ZNF804B: variants seen among roughly 807,000 people sequenced by gnomAD.
ZNF804B encodes the protein zinc finger protein 804B.
ZNF804B carries 80 observed loss-of-function variants against 101.4 expected under a neutral mutation model. The ratio of observed to expected loss-of-function variants is 0.79; its 90% confidence interval spans 0.66 to 0.95. ZNF804B has a LOEUF of 0.95. Ranked by LOEUF, ZNF804B falls within the 40% of genes least tolerant of loss-of-function variation. The probability of loss-of-function intolerance (pLI) is 0.00; values close to 1 mark genes in which losing one functional copy is unlikely to be tolerated. For synonymous variants in ZNF804B, 622 were observed against 558.8 expected, an observed-to-expected ratio of 1.11 and a Z score of -1.59; for missense variants, 1,673 against 1,561.9, an observed-to-expected ratio of 1.07 and a Z score of -1.20.
intron 2 of ZNF804B, among the ~76,000 whole-genome samples, chr7:89,223,346 C>G (rs188417023): frequency 6.6e-6 from 1 of 151,972 alleles, no homozygotes; most frequent in East Asian, 1.9e-4. Flanking sequence ...CTCTTCTCTG[C>G]TTTTCCTTCA....
chr7:89,320,411 C>T (rs38961), intron 2 of ZNF804B, among the ~76,000 whole-genome samples: 16,909 of 151,900 alleles, frequency 0.11, 967 homozygotes, highest in Non-Finnish European at 0.12. Flanking sequence ...TATCTGCTGA[C>T]TAGATATAGG....
intron 1 of ZNF804B, among the ~76,000 whole-genome samples, chr7:89,117,921 T>A (rs1228508839): frequency 1.3e-5 from 2 of 152,162 alleles, no homozygotes; most frequent in Non-Finnish European, 2.9e-5. Flanking sequence ...TTTTTTCAAC[T>A]ACTGTTAAAA....
At chr7:89,140,142 T>C (rs1440135715) in intron 1 of ZNF804B, among the ~76,000 whole-genome samples, 1 of 152,064 alleles carries the variant, frequency 6.6e-6, no homozygotes, top group African/African-American at 2.4e-5. Flanking sequence ...AGCAGAAATA[T>C]TATGAAATAA....
At chr7:88,929,032 G>A (rs957121391) in intron 1 of ZNF804B, among the ~76,000 whole-genome samples, 4 of 151,856 alleles carry the variant, frequency 2.6e-5, no homozygotes, top group African/African-American at 9.7e-5. Flanking sequence ...TTTGTCTTTT[G>A]GTTCAAGTTC....
intron 1 of ZNF804B, among the ~76,000 whole-genome samples, chr7:89,106,056 T>C (rs1790131539): frequency 6.6e-6 from 1 of 152,186 alleles, no homozygotes; most frequent in South Asian, 2.1e-4. Flanking sequence ...TTCAGCTCTC[T>C]GGAAGATCCA....
At chr7:88,815,957 G>T (rs114758823) in intron 1 of ZNF804B, among the ~76,000 whole-genome samples, 8 of 152,032 alleles carry the variant, frequency 5.3e-5, no homozygotes, top group Non-Finnish European at 1.2e-4. Context: ...CACCCTTCTT[G>T]GTTTCTGTCA....
chr7:88,853,402 A>G (rs1037369072), intron 1 of ZNF804B, among the ~76,000 whole-genome samples: 1 of 152,126 alleles, frequency 6.6e-6, no homozygotes, highest in Non-Finnish European at 1.5e-5. Context: ...AAGGCTCCAT[A>G]AAATCTTAAC....
chr7:89,332,629 T>C (rs1157357348), intron 3 of ZNF804B, among the ~76,000 whole-genome samples: 2 of 151,872 alleles, frequency 1.3e-5, no homozygotes, highest in South Asian at 2.1e-4. Context: ...CAATCTTCTG[T>C]ATGAATTGCT....
At chr7:89,281,656 A>G (rs982831161) in intron 2 of ZNF804B, among the ~76,000 whole-genome samples, 15 of 152,320 alleles carry the variant, frequency 9.8e-5, no homozygotes, top group African/African-American at 3.1e-4. Context: ...TGCCATGGCA[A>G]GAATCAAAAT....
intron 1 of ZNF804B, among the ~76,000 whole-genome samples, chr7:89,015,650 T>A (rs1245419529): frequency 1.3e-5 from 2 of 152,168 alleles, no homozygotes; most frequent in Non-Finnish European, 2.9e-5. Context: ...TCCATGTCCC[T>A]ACAAAGGACA....
At chr7:89,080,247 G>A (rs1789676299) in intron 1 of ZNF804B, among the ~76,000 whole-genome samples, 1 of 151,120 alleles carries the variant, frequency 6.6e-6, no homozygotes, top group Non-Finnish European at 1.5e-5. Context: ...AGACTATTGT[G>A]TTTTTGAGAG....
intron 1 of ZNF804B, among the ~76,000 whole-genome samples, chr7:89,196,211 A>G (rs1788549923): frequency 6.6e-6 from 1 of 152,134 alleles, no homozygotes; most frequent in East Asian, 1.9e-4. Context: ...ACAGACCCAT[A>G]GGCCAATGAA....
intron 2 of ZNF804B, among the ~76,000 whole-genome samples, chr7:89,250,080 C>T (rs1789515927): frequency 6.6e-6 from 1 of 151,910 alleles, no homozygotes; most frequent in Non-Finnish European, 1.5e-5. Flanking sequence ...CCCAGCTACT[C>T]AGGAGGCTGA....
intron 1 of ZNF804B, among the ~76,000 whole-genome samples, chr7:89,012,650 A>G (rs1180411935): frequency 1.3e-5 from 2 of 152,110 alleles, no homozygotes; most frequent in African/African-American, 4.8e-5. Flanking sequence ...CCATATCACT[A>G]TCAGCGTTTT....
chr7:88,873,912 C>T (rs1284340349), intron 1 of ZNF804B, among the ~76,000 whole-genome samples: 2 of 152,092 alleles, frequency 1.3e-5, no homozygotes, highest in Non-Finnish European at 2.9e-5. Context: ...ATGATGCCTC[C>T]AGCTTTGTCC....
At chr7:89,049,344 G>T (rs1401743924) in intron 1 of ZNF804B, among the ~76,000 whole-genome samples, 1 of 152,122 alleles carries the variant, frequency 6.6e-6, no homozygotes, top group East Asian at 1.9e-4. Context: ...AAGTGTGAAT[G>T]ATCTTATGGT....
chr7:89,120,728 G>A (rs1790392439), intron 1 of ZNF804B, among the ~76,000 whole-genome samples: 1 of 151,278 alleles, frequency 6.6e-6, no homozygotes, highest in East Asian at 1.9e-4. Context: ...CCAATGAATT[G>A]GTTTTTAGTT....
intron 1 of ZNF804B, among the ~76,000 whole-genome samples, chr7:88,912,390 A>C (rs12671549): frequency 0.21 from 32,545 of 151,882 alleles, 3,804 homozygotes; most frequent in East Asian, 0.43. Context: ...TTAAATTCTT[A>C]GGTTTCTTAA....
chr7:88,963,594 A>G lies in ZNF804B; in HGVS notation c.108+203510A>G, dbSNP rs896448145. Among the ~76,000 whole-genome samples the G allele has an allele frequency of 2.6e-5, 4 of 151,408 alleles. No homozygotes were observed. The South Asian group carries it at 6.2e-4, about 24-fold the overall frequency. ...AGCTGCAGAAGAAAACATGGGGCAA[A>G]ATGTTTATAATTGCATTTGCCTGTT... On this transcript the variant is annotated intron_variant, in intron 1 of 3. Coordinates refer to ENST00000333190, the MANE Select transcript of ZNF804B (RefSeq NM_181646.5).
Sources: gnomAD v4.1 joint callset for allele counts (sites outside exome capture counted in the v4.1 genomes callset) on GRCh38, gnomAD v4.1.1 for gene constraint, MANE v1.5 for transcripts, NCBI Gene and HGNC (gene_info 2026-07-23, HGNC 2026-07-21) for gene names.